The following CNTN4 variants were observed in gnomAD, a reference collection of about 807,000 sequenced individuals.
CNTN4 encodes the protein contactin 4.
In CNTN4, 77 loss-of-function variants were observed where a neutral mutation model predicts 122.5. That is an observed-to-expected ratio of 0.63 (90% CI 0.52 to 0.76). CNTN4 has a LOEUF of 0.76. Ranked by LOEUF, CNTN4 falls within the 30% of genes least tolerant of loss-of-function variation. The pLI, the probability that CNTN4 is intolerant of heterozygous loss-of-function variation, is 0.00. For missense variants in CNTN4, 1,256 were observed against 1,259.1 expected (o/e 1.00, Z 0.04); for synonymous variants, 512 against 447.0 (o/e 1.15, Z -1.83).
intron 3 of CNTN4, among the ~76,000 whole-genome samples, chr3:2,475,607 A>G (rs1185931710): frequency 6.6e-6 from 1 of 152,160 alleles, no homozygotes; most frequent in African/African-American, 2.4e-5. Flanking sequence ...CCAATCTCCC[A>G]TGTCAGTTCC....
chr3:2,392,402 CT>C (rs1239807682), intron 3 of CNTN4, among the ~76,000 whole-genome samples: 3 of 152,180 alleles, frequency 2.0e-5, no homozygotes, highest in African/African-American at 2.4e-5. Flanking sequence ...TTAAATGTCT[CT>C]GGTTGGCTTC....
intron 3 of CNTN4, among the ~76,000 whole-genome samples, chr3:2,384,686 T>C (rs1427681105): frequency 6.6e-6 from 1 of 152,096 alleles, no homozygotes; most frequent in Non-Finnish European, 1.5e-5. Context: ...TCCCATGCTC[T>C]TAGCCCAGCT....
At chr3:2,306,543 G>A (rs2042712229) in intron 2 of CNTN4, among the ~76,000 whole-genome samples, 1 of 151,978 alleles carries the variant, frequency 6.6e-6, no homozygotes, top group East Asian at 1.9e-4. Context: ...GATATATTTT[G>A]GCTATGTAGT....
At chr3:2,337,732 T>C (rs2044012196) in intron 2 of CNTN4, among the ~76,000 whole-genome samples, 1 of 152,102 alleles carries the variant, frequency 6.6e-6, no homozygotes, top group Non-Finnish European at 1.5e-5. Context: ...ATAGGGTAAA[T>C]GTAATCTCTA....
At chr3:2,486,371 T>C (rs1466440546) in intron 3 of CNTN4, among the ~76,000 whole-genome samples, 1 of 152,180 alleles carries the variant, frequency 6.6e-6, no homozygotes, top group Admixed American at 6.5e-5. Context: ...TATGATAGTC[T>C]TATGTTTAGC....
chr3:3,050,348 T>TGGGCCAC (rs1439278278), intron 23 of CNTN4, among the ~76,000 whole-genome samples: 3 of 152,142 alleles, frequency 2.0e-5, no homozygotes, highest in Non-Finnish European at 4.4e-5. Context: ...TTATGACCCA[T>TGGGCCAC]GGGCCACTAG....
intron 3 of CNTN4, among the ~76,000 whole-genome samples, chr3:2,541,874 G>A (rs2078044017): frequency 6.6e-6 from 1 of 152,030 alleles, no homozygotes; most frequent in Non-Finnish European, 1.5e-5. Flanking sequence ...GAACCATTAG[G>A]CAGGGCCACT....
chr3:2,291,844 C>A (rs956107317), intron 2 of CNTN4, among the ~76,000 whole-genome samples: 2 of 152,054 alleles, frequency 1.3e-5, no homozygotes, highest in African/African-American at 4.8e-5. Context: ...AGAGATTTTC[C>A]TGCCTCTGCC....
rs570769384 is a variant in CNTN4 at position 2,199,556 on chromosome 3, G to A, written c.-145+98917G>A. On this transcript the variant is annotated intron_variant, in intron 2 of 24. Coordinates refer to ENST00000418658, the MANE Select transcript of CNTN4 (RefSeq NM_175607.3). ...ACAGGGAGTCATTGAATAATGATTC[G>A]TTATTATTTAATGCTTTTATTTAAC... Among the ~76,000 whole-genome samples the A allele has an allele frequency of 7.2e-5, 11 of 152,184 alleles. No homozygotes were observed. In the East Asian group the frequency reaches 7.7e-4, roughly 11 times the overall value.
At chr3:2,603,384 A>T (rs2081128685) in intron 4 of CNTN4, among the ~76,000 whole-genome samples, 2 of 152,186 alleles carry the variant, frequency 1.3e-5, no homozygotes, top group South Asian at 4.1e-4. Flanking sequence ...GTCTCTTGTA[A>T]CATTATGGAA....
At chr3:2,141,654 C>A (rs2035001494) in intron 2 of CNTN4, among the ~76,000 whole-genome samples, 1 of 152,028 alleles carries the variant, frequency 6.6e-6, no homozygotes, top group Non-Finnish European at 1.5e-5. Context: ...GTTCACTGAG[C>A]CTTTTGAGAT....
At chr3:2,158,575 G>A (rs886235314) in intron 2 of CNTN4, among the ~76,000 whole-genome samples, 1 of 152,204 alleles carries the variant, frequency 6.6e-6, no homozygotes, top group African/African-American at 2.4e-5. Flanking sequence ...ACTAAATGGA[G>A]TGAATCCTCA....
chr3:2,201,859 A>G (rs1379457102), intron 2 of CNTN4, among the ~76,000 whole-genome samples: 1 of 152,022 alleles, frequency 6.6e-6, no homozygotes, highest in African/African-American at 2.4e-5. Context: ...GCCATTTATG[A>G]TAATATACAG....
chr3:2,335,485 C>T (rs2043912871), intron 2 of CNTN4, among the ~76,000 whole-genome samples: 1 of 151,686 alleles, frequency 6.6e-6, no homozygotes, highest in Non-Finnish European at 1.5e-5. Context: ...GCCTTGTGTT[C>T]GCCTCTAGGG....
intron 13 of CNTN4, among the ~76,000 whole-genome samples, chr3:2,932,234 C>T (rs371321809): frequency 3.9e-5 from 6 of 152,010 alleles, no homozygotes; most frequent in African/African-American, 1.4e-4. Context: ...AAAAATTAGC[C>T]GGGCGTGGTG....
chr3:2,151,971 A>C (rs1467385243), intron 2 of CNTN4, among the ~76,000 whole-genome samples: 1 of 152,254 alleles, frequency 6.6e-6, no homozygotes, highest in Admixed American at 6.5e-5. Context: ...ACAATAATGC[A>C]TGATTTTTTC....
intron 2 of CNTN4, among the ~76,000 whole-genome samples, chr3:2,338,961 C>G (rs1337088607): frequency 6.6e-6 from 1 of 152,148 alleles, no homozygotes; most frequent in South Asian, 2.1e-4. Context: ...AGTCACTCAG[C>G]TCATGGGAGG....
chr3:3,025,977 C>T (rs1029851574), intron 14 of CNTN4, 125 bp from the exon 15 acceptor site: 8 of 924,524 alleles, frequency 8.7e-6, no homozygotes, highest in African/African-American at 8.2e-5. Flanking sequence ...TTGCTGGTCA[C>T]AGCCTCAGAA....
At chr3:2,268,254 C>T (rs555857333) in intron 2 of CNTN4, among the ~76,000 whole-genome samples, 1 of 152,090 alleles carries the variant, frequency 6.6e-6, no homozygotes, top group African/African-American at 2.4e-5. Flanking sequence ...TCTTTCCATT[C>T]TCATGCTTTG....
Sources: gnomAD v4.1 joint callset for allele counts (sites outside exome capture counted in the v4.1 genomes callset) on GRCh38, gnomAD v4.1.1 for gene constraint, MANE v1.5 for transcripts, NCBI Gene and HGNC (gene_info 2026-07-23, HGNC 2026-07-21) for gene names.